Variants in ZNF345 observed in about 807,000 individuals in gnomAD.
ZNF345 encodes the protein zinc finger protein 345.
For synonymous variants in ZNF345, 166 were observed against 187.9 expected (o/e 0.88, Z 0.95); for missense variants, 527 against 589.9 (o/e 0.89, Z 1.10).
At chr19:36,892,126 C>T (rs2073060596) in intron 3 of ZNF345, 1 of 1,613,990 alleles carries the variant, frequency 6.2e-7, no homozygotes, top group African/African-American at 1.3e-5. Flanking sequence ...TGAACTACAA[C>T]TAAAAGCCTT....
intron 2 of ZNF345, chr19:36,854,351 C>T (rs1319853445): frequency 6.6e-6 from 1 of 151,440 alleles, no homozygotes; most frequent in African/African-American, 2.4e-5. Context: ...TGTATGGTAA[C>T]TTGAACAGCT....
intron 2 of ZNF345, 140 bp from the exon 3 acceptor site, chr19:36,876,645 C>T: frequency 2.3e-6 from 1 of 425,838 alleles, no homozygotes; most frequent in Non-Finnish European, 4.0e-6. Context: ...TTCAAATTGC[C>T]CAGTCATATG....
downstream of ZNF345, among the ~76,000 whole-genome samples, chr19:36,880,924 TAAAG>T (rs1474988968): frequency 1.3e-5 from 2 of 150,502 alleles, no homozygotes; most frequent in African/African-American, 2.5e-5. Context: ...GTTAGAATGT[TAAAG>T]AAATTATAAA....
chr19:36,853,733 T>A (rs2072341178), intron 2 of ZNF345, among the ~76,000 whole-genome samples: 1 of 152,216 alleles, frequency 6.6e-6, no homozygotes, highest in African/African-American at 2.4e-5. Flanking sequence ...AACATATATG[T>A]CTATGTCTAT....
chr19:36,882,292 G>A (rs560558596), downstream of ZNF345, among the ~76,000 whole-genome samples: 68 of 151,480 alleles, frequency 4.5e-4, no homozygotes, highest in African/African-American at 1.4e-3. Context: ...TTCTTGAGAT[G>A]GAGTCTCGCT....
At chr19:36,884,905 G>A (rs1441077335) in intron 3 of ZNF345, among the ~76,000 whole-genome samples, 4 of 152,034 alleles carry the variant, frequency 2.6e-5, no homozygotes, top group African/African-American at 4.8e-5. Flanking sequence ...TCATTCTTTC[G>A]TTGATGGGTA....
In ZNF345 at chr19:36,877,325, G is replaced by C; in HGVS notation, c.495G>C (p.Gln165His). Residue 165 changes from glutamine (Q) to histidine (H), a missense_variant, in exon 3 of 3, where the codon CAG (glutamine) becomes CAC (histidine). By Grantham distance (24) the Gln-to-His change is conservative (BLOSUM62 0). Coordinates refer to ENST00000420450, the MANE Select transcript of ZNF345 (RefSeq NM_001242472.2). ...FSFGSGLIRH[Q>H]IIHSGEKPYE... is the part of the protein sequence containing the mutation. ...TTGGATCAGGCCTTATTCGACATCA[G>C]ATCATTCACAGTGGTGAGAAGCCTT... 1 of 1,613,786 alleles carries C rather than the reference G, an allele frequency of 6.2e-7. No individual in the cohort carries two copies. Among genetic ancestry groups the C allele is most frequent in the Non-Finnish European group, 8.5e-7 (1 of 1,179,952 alleles).
chr19:36,860,249 G>A (rs760454731), intron 2 of ZNF345, among the ~76,000 whole-genome samples: 1 of 152,080 alleles, frequency 6.6e-6, no homozygotes. Flanking sequence ...GAGCCACCGC[G>A]TCCAGCTAAG....
intron 2 of ZNF345, among the ~76,000 whole-genome samples, chr19:36,866,348 C>A (rs1280273154): frequency 2.0e-5 from 3 of 152,084 alleles, no homozygotes; most frequent in Non-Finnish European, 4.4e-5. Flanking sequence ...GCTAATACCA[C>A]AAAGCCATCT....
chr19:36,891,757 A>G, intron 3 of ZNF345: 1 of 1,614,172 alleles, frequency 6.2e-7, no homozygotes. Flanking sequence ...ACCAGCATGA[A>G]TTCTGTGATG....
intron 3 of ZNF345, among the ~76,000 whole-genome samples, chr19:36,886,804 G>T (rs866481489): frequency 6.6e-6 from 1 of 151,762 alleles, no homozygotes; most frequent in South Asian, 2.1e-4. Flanking sequence ...TGGCTAACAC[G>T]GTGAAACCCC....
intron 2 of ZNF345, among the ~76,000 whole-genome samples, chr19:36,873,085 ATATTT>A: frequency 6.6e-6 from 1 of 152,178 alleles, no homozygotes; most frequent in Admixed American, 6.5e-5. Flanking sequence ...GGTTTTAAAG[ATATTT>A]TATTATTTAC....
chr19:36,876,393 T>A (rs1013799155), intron 2 of ZNF345, among the ~76,000 whole-genome samples: 1 of 152,182 alleles, frequency 6.6e-6, no homozygotes, highest in Non-Finnish European at 1.5e-5. Flanking sequence ...AGAATTACTC[T>A]CATTTATAAA....
intron 2 of ZNF345, among the ~76,000 whole-genome samples, chr19:36,863,799 A>G (rs1420480664): frequency 6.6e-6 from 1 of 152,234 alleles, no homozygotes; most frequent in African/African-American, 2.4e-5. Flanking sequence ...CAGTCCTTAT[A>G]TCATTACTGC....
Position 36,877,136 on chromosome 19 carries a change from T to G in ZNF345, c.306T>G (p.Gly102=), listed in dbSNP as rs766291181. 2 of 1,613,792 alleles carry G rather than the reference T, an allele frequency of 1.2e-6. No individual in the cohort carries two copies. Among genetic ancestry groups the G allele is most frequent in the African/African-American group, 2.7e-5 (2 of 74,854 alleles). ...AATGTGGCAAGGCCTTTGGTAGTGG[T>G]GCAAACCTTGCTTACCATCAAAGAA... The part of the protein sequence containing the change: ...CKECGKAFGS[G]ANLAYHQRIH... Residue 102 remains glycine (G), a synonymous_variant, in exon 3 of 3, where the codon GGT becomes GGG. Coordinates refer to ENST00000420450, the MANE Select transcript of ZNF345 (RefSeq NM_001242472.2).
intron 2 of ZNF345, among the ~76,000 whole-genome samples, chr19:36,858,735 C>T (rs1031939871): frequency 1.3e-5 from 2 of 152,072 alleles, no homozygotes; most frequent in Admixed American, 6.6e-5. Flanking sequence ...CACTGCACTC[C>T]AGCCTAGGCG....
intron 2 of ZNF345, among the ~76,000 whole-genome samples, chr19:36,870,001 G>A (rs1478621018): frequency 6.6e-6 from 1 of 152,076 alleles, no homozygotes; most frequent in Non-Finnish European, 1.5e-5. Flanking sequence ...GGCTGGTTTC[G>A]AACTCCTGAC....
chr19:36,886,152 A>G (rs1227531638), intron 3 of ZNF345, among the ~76,000 whole-genome samples: 2 of 152,236 alleles, frequency 1.3e-5, no homozygotes, highest in Non-Finnish European at 2.9e-5. Flanking sequence ...TATCAGATAA[A>G]TAACTAAATA....
intron 2 of ZNF345, among the ~76,000 whole-genome samples, chr19:36,855,744 A>G (rs1332751872): frequency 4.3e-5 from 3 of 69,244 alleles, no homozygotes; most frequent in African/African-American, 1.8e-4. Flanking sequence ...GAGCCACCGC[A>G]CCCGGCCCAT....
Sources: allele counts gnomAD v4.1 joint callset (sites outside exome capture counted in the v4.1 genomes callset), GRCh38; gene constraint gnomAD v4.1.1; transcripts MANE v1.5; gene names NCBI Gene and HGNC (gene_info 2026-07-23, HGNC 2026-07-21).